Variants in SH3TC1 observed in about 807,000 individuals in gnomAD.
SH3TC1 encodes the protein SH3 domain and tetratricopeptide repeats 1.
SH3TC1 carries 135 observed loss-of-function variants against 117.3 expected under a neutral mutation model. That is an observed-to-expected ratio of 1.15 (90% CI 1.00 to 1.33). SH3TC1 has a LOEUF of 1.33. Ranked by LOEUF, SH3TC1 falls within the 40% of genes most tolerant of loss-of-function variation. The pLI, the probability that SH3TC1 is intolerant of heterozygous loss-of-function variation, is 0.00. For missense variants in SH3TC1, 2,092 were observed against 1,794.3 expected (o/e 1.17, Z -3.00); for synonymous variants, 898 against 816.9 (o/e 1.10, Z -1.69).
At chr4:8,217,432 A>G (rs1019044711) in intron 7 of SH3TC1, among the ~76,000 whole-genome samples, 6 of 152,242 alleles carry the variant, frequency 3.9e-5, no homozygotes, top group Admixed American at 3.9e-4. Flanking sequence ...GAGATGTGGC[A>G]TGAGCTCTCA....
chr4:8,191,819 T>C (rs1438870002), intron 1 of SH3TC1, among the ~76,000 whole-genome samples: 1 of 151,972 alleles, frequency 6.6e-6, no homozygotes, highest in Non-Finnish European at 1.5e-5. Context: ...TTTGTGTTTC[T>C]GGGAAACACT....
chr4:8,219,993 C>T (rs376021900), intron 9 of SH3TC1, among the ~76,000 whole-genome samples: 2 of 152,166 alleles, frequency 1.3e-5, no homozygotes, highest in Admixed American at 6.5e-5. Flanking sequence ...TGCACTCTGC[C>T]GCCGTCTCCA....
At chr4:8,228,854 C>T (rs915091391) in intron 12 of SH3TC1, among the ~76,000 whole-genome samples, 5 of 152,234 alleles carry the variant, frequency 3.3e-5, no homozygotes, top group African/African-American at 4.8e-5. Flanking sequence ...CAGCTCCTCC[C>T]GGTTTGCCCA....
chr4:8,227,367 C>T lies in SH3TC1; in HGVS notation c.1673C>T (p.Ala558Val), dbSNP rs1720572872. 1 of 1,575,714 alleles carries T rather than the reference C, an allele frequency of 6.3e-7. No homozygotes were observed. Among genetic ancestry groups the T allele is most frequent in the Non-Finnish European group, 8.6e-7 (1 of 1,161,282 alleles). Residue 558 changes from alanine to valine, a missense_variant, in exon 12 of 18, where the codon GCC (alanine) becomes GTC (valine). Ala to Val is a moderately conservative substitution (Grantham distance 64, BLOSUM62 0). Transcript: ENST00000245105. ...GAAKKAGLLM[A>V]LARLCFLLGR... Reference sequence around the variant, plus strand: ...GCCAAGAAAGCTGGCCTCCTCATGGCCCTGGCCAGGCTCTGCTTCCTCCTG... The same window carrying T: ...GCCAAGAAAGCTGGCCTCCTCATGGTCCTGGCCAGGCTCTGCTTCCTCCTG...
At chr4:8,200,785 C>T (rs908546087) in intron 1 of SH3TC1, among the ~76,000 whole-genome samples, 3 of 152,230 alleles carry the variant, frequency 2.0e-5, no homozygotes, top group Non-Finnish European at 2.9e-5. Context: ...TGCCTCTTCC[C>T]GCTGCCTGTG....
rs947815473 is a variant in SH3TC1 at position 8,183,432 on chromosome 4, G to A, written c.-57+1222G>A. 5.9e-5 allele frequency among the ~76,000 whole-genome samples: 9 copies of A among 152,174 alleles called. 1 individual carries two copies. Among genetic ancestry groups the A allele is most frequent in the African/African-American group, 2.2e-4 (9 of 41,442 alleles). ...TAACTCACTCCCTGTACAGTAGAGG[G>A]AGGCGTGGCCCAGGGAGGCTCCCGG... On this transcript the variant is annotated intron_variant, in intron 1 of 16. Coordinates refer to the SH3TC1 transcript ENST00000508641. The surrounding 1 kb of genome is among the most constrained non-coding windows in gnomAD (Gnocchi z 5.4).
chr4:8,182,452 A>G (rs192408115), intron 1 of SH3TC1, among the ~76,000 whole-genome samples: 1 of 152,288 alleles, frequency 6.6e-6, no homozygotes, highest in African/African-American at 2.4e-5. Flanking sequence ...AAATGGGCCA[A>G]TAGCCTGATG....
chr4:8,209,320 G>A lies in SH3TC1; in HGVS notation c.173-428G>A, dbSNP rs1718451082. Among the ~76,000 whole-genome samples the A allele has an allele frequency of 6.6e-6, 1 of 152,192 alleles. No individual in the cohort carries two copies. The highest frequency in any genetic ancestry group is 2.1e-4 in the South Asian group (1 of 4,832). Reference sequence around the variant, plus strand: ...TTGTAGGAGGAAGGCAGGAGGGAGAGGCAGAAAAGGAGATGCAGTGACAAA... The same window carrying A: ...TTGTAGGAGGAAGGCAGGAGGGAGAAGCAGAAAAGGAGATGCAGTGACAAA... On this transcript the variant is annotated intron_variant, in intron 2 of 17. Coordinates refer to ENST00000245105, the MANE Select transcript of SH3TC1 (RefSeq NM_018986.5). The surrounding 1 kb of genome is among the most constrained non-coding windows in gnomAD (Gnocchi z 5.9).
At chr4:8,222,775 T>A in intron 9 of SH3TC1, 65 bp from the exon 10 acceptor site, 36 of 1,574,630 alleles carry the variant, frequency 2.3e-5, no homozygotes, top group Non-Finnish European at 3.0e-5. Flanking sequence ...AATGGAAATG[T>A]GCTTAGTGTG....
chr4:8,224,884 G>C (rs1351459995), intron 10 of SH3TC1: 24 of 423,682 alleles, frequency 5.7e-5, no homozygotes, highest in Non-Finnish European at 7.7e-5. Flanking sequence ...GTGGGGTGGA[G>C]GCCTGGAGAT....
chr4:8,214,370 C>T (rs1280180985), intron 4 of SH3TC1, 105 bp from the exon 5 acceptor site: 2 of 1,043,184 alleles, frequency 1.9e-6, no homozygotes, highest in Non-Finnish European at 2.8e-6. Flanking sequence ...TCGTCCCCCG[C>T]CGGGGCCACA....
At position 8,216,980 on chromosome 4, in the gene SH3TC1, G is replaced by C; in HGVS notation, c.652G>C (p.Asp218His). 1 of 1,614,052 alleles carries C rather than the reference G, an allele frequency of 6.2e-7. No individual in the cohort carries two copies. Among genetic ancestry groups the C allele is most frequent in the Non-Finnish European group, 8.5e-7 (1 of 1,179,976 alleles). Residue 218 changes from aspartate to histidine, a missense_variant, in exon 7 of 18, where the codon GAC (aspartate) becomes CAC (histidine). Coordinates refer to ENST00000245105, the MANE Select transcript of SH3TC1 (RefSeq NM_018986.5). ...AGGGCCCTTCTTTGTCCTGTGTCCT[G>C]ACCACCATGTGAGAGTGATGACGGG... ...QEGPFFVLCP[D>H]HHVRVMTGPR...
intron 1 of SH3TC1, among the ~76,000 whole-genome samples, chr4:8,187,978 A>G (rs1717282780): frequency 6.6e-6 from 1 of 152,176 alleles, no homozygotes; most frequent in African/African-American, 2.4e-5. Context: ...TCACAGTTCC[A>G]TCATTTCGGG....
intron 17 of SH3TC1, among the ~76,000 whole-genome samples, chr4:8,239,816 C>A (rs941036393): frequency 6.6e-6 from 1 of 152,224 alleles, no homozygotes; most frequent in Non-Finnish European, 1.5e-5. Flanking sequence ...ACTCCCAGGT[C>A]CCCCAGAGGA....
At chr4:8,218,689 C>G (rs1015061084) in intron 8 of SH3TC1, among the ~76,000 whole-genome samples, 8 of 152,226 alleles carry the variant, frequency 5.3e-5, no homozygotes, top group African/African-American at 1.4e-4. Flanking sequence ...ACCCAACAGT[C>G]TCAGAGTCTA....
chr4:8,208,845 G>A (rs935246075), intron 2 of SH3TC1, among the ~76,000 whole-genome samples: 5 of 152,226 alleles, frequency 3.3e-5, no homozygotes, highest in South Asian at 2.1e-4. Flanking sequence ...GCTGTGCGGC[G>A]CCCAGGGCTC....
intron 16 of SH3TC1, 189 bp from the exon 17 acceptor site, chr4:8,237,285 C>T (rs920853329): frequency 3.2e-5 from 16 of 506,204 alleles, no homozygotes; most frequent in South Asian, 2.1e-4. Flanking sequence ...CAAAGCCTCA[C>T]GGTAGATGGG....
At position 8,183,390 on chromosome 4, in the gene SH3TC1, C is replaced by A. The variant is rs907804636; in HGVS notation, c.-57+1180C>A. On this transcript the variant is annotated intron_variant, in intron 1 of 16. Coordinates refer to the SH3TC1 transcript ENST00000508641. This position sits in a 1 kb window ranked among gnomAD's most constrained non-coding sequence, Gnocchi z 5.4. ...ACAATGACCAGAAACCGGCCCTGCC[C>A]CACGCATCTCTGTGATTAACTCACT... Among the ~76,000 whole-genome samples the A allele has an allele frequency of 6.6e-6, 1 of 152,170 alleles. No individual in the cohort carries two copies. The highest frequency in any genetic ancestry group is 1.5e-5 in the Non-Finnish European group (1 of 68,016).
Position 8,232,000 on chromosome 4 carries a change from T to A in SH3TC1, c.2975T>A (p.Leu992Gln). The A allele has an allele frequency of 6.2e-7, 1 of 1,612,384 alleles. No individual in the cohort carries two copies. Residue 992 changes from leucine to glutamine, a missense_variant, in exon 13 of 18, where the codon CTG becomes CAG. By Grantham distance (113) the Leu-to-Gln change is moderately radical. Transcript: ENST00000245105. ...VESQLRAVQR[L>Q]CHFYSAVMPS... ...GGCCAGCTGCGGGCCGTCCAGCGGCTGTGCCACTTCTACAGCGCCGTCATG... is the reference window on the plus strand; with the variant it reads ...GGCCAGCTGCGGGCCGTCCAGCGGCAGTGCCACTTCTACAGCGCCGTCATG...
Sources: gnomAD v4.1 joint callset for allele counts (sites outside exome capture counted in the v4.1 genomes callset) on GRCh38, gnomAD v4.1.1 for gene constraint, Gnocchi (gnomAD v3.1) non-coding constraint, MANE v1.5 for transcripts, NCBI Gene and HGNC (gene_info 2026-07-23, HGNC 2026-07-21) for gene names.